GLI3: variants seen among roughly 807,000 people sequenced by gnomAD.
GLI3 encodes the protein transcription activator GLI3.
A neutral mutation model predicts 100.8 loss-of-function variants in GLI3; 20 were observed. The ratio of observed to expected loss-of-function variants is 0.20; its 90% CI spans 0.14 to 0.29. The LOEUF (loss-of-function observed/expected upper bound fraction) is 0.29, where lower values mean the gene tolerates loss of function less well. Among genes scored for constraint, GLI3 ranks in the 10% least tolerant of loss-of-function variants. GLI3 has a pLI of 1.00. For missense variants in GLI3, 2,040 were observed against 2,128.5 expected, an observed-to-expected ratio of 0.96 and a Z score of 0.82; for synonymous variants, 938 against 860.5, an observed-to-expected ratio of 1.09 and a Z score of -1.58.
chr7:42,180,843 G>A (rs1787576825), intron 2 of GLI3, among the ~76,000 whole-genome samples: 1 of 152,152 alleles, frequency 6.6e-6, no homozygotes, highest in Non-Finnish European at 1.5e-5. Context: ...AAATTATATA[G>A]CCCAAGAATA....
intron 2 of GLI3, among the ~76,000 whole-genome samples, chr7:42,215,843 A>G (rs997655349): frequency 6.6e-6 from 1 of 151,352 alleles, no homozygotes; most frequent in Non-Finnish European, 1.5e-5. Flanking sequence ...AACCAACCTC[A>G]TGTAAGGATC....
At chr7:41,998,991 G>A (rs758639638) in intron 10 of GLI3, among the ~76,000 whole-genome samples, 7 of 152,192 alleles carry the variant, frequency 4.6e-5, no homozygotes, top group Non-Finnish European at 8.8e-5. Flanking sequence ...GTTCAAATGT[G>A]TCCAGGGTTT....
chr7:42,189,912 G>A (rs12374756), intron 2 of GLI3, among the ~76,000 whole-genome samples: 21,943 of 149,022 alleles, frequency 0.15, 2,076 homozygotes, highest in Non-Finnish European at 0.22. Flanking sequence ...AGATAGATTC[G>A]GATATATCCT....
intron 10 of GLI3, among the ~76,000 whole-genome samples, chr7:41,996,689 G>A (rs868487790): frequency 1.2e-4 from 18 of 152,102 alleles, no homozygotes; most frequent in African/African-American, 4.3e-4. Flanking sequence ...GCTTTTAATC[G>A]CTGACATAAT....
At chr7:42,239,245 C>T (rs1484698159), upstream of GLI3, among the ~76,000 whole-genome samples, 1 of 152,194 alleles carries the variant, frequency 6.6e-6, no homozygotes, top group Non-Finnish European at 1.5e-5. Context: ...TCTCCGCGCT[C>T]ACTAACTGGC....
chr7:42,100,860 G>C (rs1331760388), intron 3 of GLI3, among the ~76,000 whole-genome samples: 1 of 152,208 alleles, frequency 6.6e-6, no homozygotes, highest in Admixed American at 6.5e-5. Context: ...TCCAGAAGCT[G>C]GAAGAGGCAA....
chr7:42,189,608 G>T (rs561089234), intron 2 of GLI3, among the ~76,000 whole-genome samples: 3 of 152,292 alleles, frequency 2.0e-5, no homozygotes, highest in African/African-American at 7.2e-5. Context: ...CTTCAAGCAT[G>T]TAAAAGATTA....
At chr7:42,196,405 TTCTCTACCTACAAAGGCGTCCTGATTA>T (rs1459501783) in intron 2 of GLI3, among the ~76,000 whole-genome samples, 1 of 152,184 alleles carries the variant, frequency 6.6e-6, no homozygotes, top group Non-Finnish European at 1.5e-5. Flanking sequence ...ACTAAATATT[TTCTCTACCTACAAAGGCGTCCTGATTA>T]ACGTTGCATT....
intron 2 of GLI3, among the ~76,000 whole-genome samples, chr7:42,170,064 G>C (rs1000532769): frequency 1.3e-5 from 2 of 151,360 alleles, no homozygotes; most frequent in African/African-American, 4.8e-5. Context: ...AGCCTGGCCA[G>C]CATGGTGAAA....
chr7:42,041,318 C>T (rs1380979815), intron 6 of GLI3, among the ~76,000 whole-genome samples: 1 of 152,182 alleles, frequency 6.6e-6, no homozygotes, highest in African/African-American at 2.4e-5. Context: ...ACAATGGTTT[C>T]TTCCTGAAGA....
Position 41,972,153 on chromosome 7 carries a change from C to T in GLI3, c.2103+184G>A, listed in dbSNP as rs1787379689. 6.6e-6 allele frequency among the ~76,000 whole-genome samples: 1 copy of T among 152,124 alleles called. No homozygotes were observed. Among genetic ancestry groups the T allele is most frequent in the East Asian group, 1.9e-4 (1 of 5,196 alleles). On this transcript the variant is annotated intron_variant, in intron 13 of 14. Transcript: ENST00000395925. The surrounding 1 kb of genome is among the most constrained non-coding windows in gnomAD (Gnocchi z 4.4). ...GGATTTTAAAAATCAGTTAGGAAAC[C>T]TGGAAACTCTTTTTCTGAGCTGATC...
At chr7:42,248,164 A>C (rs1444821283) in intron 1 of GLI3, among the ~76,000 whole-genome samples, 1 of 152,204 alleles carries the variant, frequency 6.6e-6, no homozygotes, top group Non-Finnish European at 1.5e-5. Flanking sequence ...CCCATATCTC[A>C]AATTGGTGAT....
intron 10 of GLI3, among the ~76,000 whole-genome samples, chr7:42,018,376 G>C (rs868655218): frequency 2.0e-5 from 3 of 152,086 alleles, no homozygotes; most frequent in Admixed American, 6.6e-5. Context: ...ACTAATTTCT[G>C]CCTCATATCT....
intron 3 of GLI3, among the ~76,000 whole-genome samples, chr7:42,122,036 T>C (rs757830206): frequency 6.6e-6 from 1 of 152,088 alleles, no homozygotes; most frequent in African/African-American, 2.4e-5. Flanking sequence ...TCCACACCTG[T>C]AACTTTAAAT....
At chr7:42,067,471 C>T (rs1784698602) in intron 4 of GLI3, among the ~76,000 whole-genome samples, 1 of 152,162 alleles carries the variant, frequency 6.6e-6, no homozygotes, top group Non-Finnish European at 1.5e-5. Context: ...CTCCCCACTC[C>T]CCATCAGATG....
intron 7 of GLI3, among the ~76,000 whole-genome samples, chr7:42,026,658 A>G (rs1789124078): frequency 6.6e-6 from 1 of 152,234 alleles, no homozygotes; most frequent in African/African-American, 2.4e-5. Flanking sequence ...ACGGAAATAA[A>G]AGGCATCAGT....
chr7:42,114,520 G>C (rs1263942145), intron 3 of GLI3, among the ~76,000 whole-genome samples: 2 of 152,140 alleles, frequency 1.3e-5, no homozygotes, highest in African/African-American at 4.8e-5. Context: ...GGGTAAAGAG[G>C]CTTAGGAAAA....
intron 2 of GLI3, among the ~76,000 whole-genome samples, chr7:42,208,040 T>C (rs1161407060): frequency 6.6e-6 from 1 of 152,080 alleles, no homozygotes; most frequent in South Asian, 2.1e-4. Flanking sequence ...GTGCCTCTAG[T>C]CTCAGATACT....
At chr7:42,262,656 A>T (rs1789157955) in intron 1 of GLI3, among the ~76,000 whole-genome samples, 1 of 152,206 alleles carries the variant, frequency 6.6e-6, no homozygotes, top group Admixed American at 6.5e-5. Context: ...TTATGGCTCT[A>T]TAAATAATGA....
Sources: gnomAD v4.1 joint callset for allele counts (sites outside exome capture counted in the v4.1 genomes callset) on GRCh38, gnomAD v4.1.1 for gene constraint, Gnocchi (gnomAD v3.1) non-coding constraint, MANE v1.5 for transcripts, NCBI Gene and HGNC (gene_info 2026-07-23, HGNC 2026-07-21) for gene names.